The following USP43 variants were observed in gnomAD, a reference collection of about 807,000 sequenced individuals.
The protein encoded by USP43 is ubiquitin carboxyl-terminal hydrolase 43.
USP43 carries 33 observed loss-of-function variants against 90.7 expected under a neutral mutation model. The ratio of observed to expected loss-of-function variants is 0.36; its 90% CI spans 0.28 to 0.49. The LOEUF is 0.49. USP43 is among the 20% of genes least tolerant of loss of function. The pLI is 0.98. For missense variants in USP43, 1,274 were observed against 1,476.4 expected (o/e 0.86, Z 2.25); for synonymous variants, 598 against 615.8 (o/e 0.97, Z 0.43).
intron 8 of USP43, among the ~76,000 whole-genome samples, chr17:9,691,575 C>A (rs545445978): frequency 6.6e-6 from 1 of 152,094 alleles, no homozygotes; most frequent in Non-Finnish European, 1.5e-5. Context: ...CCCCTCCTTG[C>A]GACTCTTAGA....
chr17:9,675,071 C>G (rs1294372512), intron 4 of USP43, 88 bp downstream of exon 4: 2 of 1,102,698 alleles, frequency 1.8e-6, no homozygotes, highest in East Asian at 4.7e-5. Context: ...CTGCCATTTT[C>G]TCTCCTTTGC....
At chr17:9,680,421 G>A in intron 6 of USP43, 55 bp downstream of exon 6, 1 of 1,600,152 alleles carries the variant, frequency 6.2e-7, no homozygotes, top group East Asian at 2.2e-5. Context: ...ACAGGTTTCA[G>A]AGGATACTCC....
At chr17:9,718,047 C>G (rs368083004) in intron 14 of USP43, among the ~76,000 whole-genome samples, 1 of 152,020 alleles carries the variant, frequency 6.6e-6, no homozygotes, top group Non-Finnish European at 1.5e-5. Context: ...CTGCCCACCT[C>G]GGCCTCCCAA....
At chr17:9,694,101 C>A (rs893682206) in intron 9 of USP43, among the ~76,000 whole-genome samples, 12 of 152,212 alleles carry the variant, frequency 7.9e-5, no homozygotes, top group Non-Finnish European at 2.9e-5. Flanking sequence ...CAGTTCTACT[C>A]TATAAACGAA....
chr17:9,708,385 C>T (rs1321718123), intron 12 of USP43, among the ~76,000 whole-genome samples: 1 of 152,114 alleles, frequency 6.6e-6, no homozygotes, highest in Non-Finnish European at 1.5e-5. Flanking sequence ...GCTGGAATTC[C>T]AGTTAGGAGG....
Position 9,728,730 on chromosome 17 carries a change from G to T in USP43, c.3112G>T (p.Ala1038Ser). 2 of 1,600,956 alleles carry T rather than the reference G, an allele frequency of 1.2e-6. No homozygotes were observed. The highest frequency in any genetic ancestry group is 1.7e-6 in the Non-Finnish European group (2 of 1,174,218). ...GCTGAGCCCTGCCATGGACGGGCAG[G>T]CTCCAGGCTCACCTCCTGCCCTCAG... is the stretch of plus-strand genomic sequence containing the variant. ...GGLSPAMDGQ[A>S]PGSPPALRIP... The change falls in exon 15 of 15, where the codon GCT becomes TCT. Residue 1038 changes from alanine to serine, a missense_variant. By Grantham distance (99) the Ala-to-Ser change is moderately conservative (BLOSUM62 1). This residue lies in a region of USP43 where 353 missense variants were observed against 329.7 expected (regional missense o/e 1.07). Coordinates refer to ENST00000285199, the MANE Select transcript of USP43 (RefSeq NM_153210.5). The surrounding 1 kb of genome is among the most constrained non-coding windows in gnomAD (Gnocchi z 6.2).
At chr17:9,671,436 G>A (rs1480261621) in intron 3 of USP43, among the ~76,000 whole-genome samples, 2 of 152,154 alleles carry the variant, frequency 1.3e-5, no homozygotes, top group Admixed American at 1.3e-4. Flanking sequence ...TTGCATAGAC[G>A]TCAGATCCAC....
At chr17:9,676,004 A>G (rs992420380) in intron 4 of USP43, among the ~76,000 whole-genome samples, 2 of 152,162 alleles carry the variant, frequency 1.3e-5, no homozygotes, top group Non-Finnish European at 1.5e-5. Flanking sequence ...AGATCAAGAG[A>G]AACAGTAGCT....
chr17:9,725,467 A>G, intron 14 of USP43, among the ~76,000 whole-genome samples: 1 of 152,042 alleles, frequency 6.6e-6, no homozygotes, highest in East Asian at 1.9e-4. Context: ...ACGGGAAGTG[A>G]CTTTGTAGAG....
intron 2 of USP43, among the ~76,000 whole-genome samples, chr17:9,664,361 C>T (rs1316941385): frequency 4.6e-5 from 7 of 152,158 alleles, no homozygotes; most frequent in Admixed American, 1.3e-4. Flanking sequence ...TTACCCAAGA[C>T]GCTTCACATA....
intron 12 of USP43, among the ~76,000 whole-genome samples, chr17:9,706,570 T>G (rs75400674): frequency 0.016 from 2,480 of 151,436 alleles, 76 homozygotes; most frequent in African/African-American, 0.057. Context: ...TGTCCCGAGA[T>G]CACTACTGAT....
At chr17:9,704,832 G>T (rs1195043453) in intron 12 of USP43, among the ~76,000 whole-genome samples, 1 of 147,406 alleles carries the variant, frequency 6.8e-6, no homozygotes, top group Non-Finnish European at 1.5e-5. Context: ...CACTCCATCT[G>T]CTTGCTGGGC....
chr17:9,662,255 A>G (rs1162718414), intron 2 of USP43, among the ~76,000 whole-genome samples: 3 of 152,122 alleles, frequency 2.0e-5, no homozygotes, highest in Non-Finnish European at 2.9e-5. Flanking sequence ...AGGGGTTGCT[A>G]CTACCAAAGG....
chr17:9,686,962 C>T lies in USP43; in HGVS notation c.1353+53C>T, dbSNP rs1165260451. On this transcript the variant is annotated intron_variant, in intron 8 of 14. Transcript: ENST00000285199. The surrounding 1 kb of genome is among the most constrained non-coding windows in gnomAD (Gnocchi z 5.5). ...GTGTGCGTGCATGCGCATGTGCATG[C>T]GTGTGTGTGGGTGTGTGTATTGGGA... The T allele has an allele frequency of 1.8e-5, 28 of 1,523,656 alleles. No individual in the cohort carries two copies. Among genetic ancestry groups the T allele is most frequent in the Admixed American group, 3.4e-5 (2 of 58,118 alleles). 94.4% of individuals were successfully genotyped at this position (1,523,656 alleles called of 1,614,324 possible).
chr17:9,703,293 T>G (rs925434084), intron 12 of USP43, among the ~76,000 whole-genome samples: 6 of 152,150 alleles, frequency 3.9e-5, no homozygotes, highest in African/African-American at 1.4e-4. Flanking sequence ...CTGAACGTGC[T>G]GCCTCCCCAT....
At chr17:9,692,657 C>A (rs1915025647) in intron 8 of USP43, among the ~76,000 whole-genome samples, 1 of 152,188 alleles carries the variant, frequency 6.6e-6, no homozygotes, top group African/African-American at 2.4e-5. Context: ...AACTAAGGTG[C>A]TATCTCTTTA....
At position 9,701,521 on chromosome 17, in the gene USP43, C is replaced by T; in HGVS notation, c.1832C>T (p.Ser611Phe). Residue 611 changes from serine to phenylalanine, a missense_variant, in exon 12 of 15, where the codon TCT becomes TTT. By Grantham distance (155) the Ser-to-Phe change is radical. Transcript: ENST00000285199. The surrounding 1 kb of genome is among the most constrained non-coding windows in gnomAD (Gnocchi z 7.2). ...TCCACGCTGGTGAAGTTTCCGCTCT[C>T]TGGACTCAACATGGCTCCCCATGTG... ...KLSTLVKFPL[S>F]GLNMAPHVAQ... is the part of the protein sequence containing the mutation. 2 of 1,566,484 alleles carry T rather than the reference C, an allele frequency of 1.3e-6. No individual in the cohort carries two copies. The highest frequency in any genetic ancestry group is 1.7e-6 in the Non-Finnish European group (2 of 1,155,784).
intron 14 of USP43, among the ~76,000 whole-genome samples, chr17:9,726,759 G>A (rs1917294455): frequency 1.3e-5 from 2 of 152,192 alleles, no homozygotes; most frequent in Admixed American, 1.3e-4. Context: ...AAGTGGCACA[G>A]TGAGAGTGGC....
Position 9,728,857 on chromosome 17 carries a change from C to T in USP43, c.3239C>T (p.Pro1080Leu), listed in dbSNP as rs371125659. The T allele has an allele frequency of 9.3e-6, 15 of 1,613,754 alleles. No homozygotes were observed. Among genetic ancestry groups the T allele is most frequent in the African/African-American group, 2.7e-5 (2 of 74,900 alleles). ...LRLPRKASRAPRGSALGMSQR... is the reference protein window; with the variant it reads ...LRLPRKASRALRGSALGMSQR... ...CTCCCTCGTAAAGCCAGCAGGGCCC[C>T]GAGAGGCAGTGCACTGGGCATGTCA... The change falls in exon 15 of 15, where the codon CCG (proline) becomes CTG (leucine). Residue 1080 changes from proline to leucine, a missense_variant. Pro to Leu is a moderately conservative substitution (Grantham distance 98, BLOSUM62 -3). Around this residue, in one of 6 missense-constraint regions of USP43, gnomAD observed 353 missense variants for 329.7 expected, o/e 1.07. Transcript: ENST00000285199. This position sits in a 1 kb window ranked among gnomAD's most constrained non-coding sequence, Gnocchi z 6.2.
Sources: gnomAD v4.1 joint callset for allele counts (sites outside exome capture counted in the v4.1 genomes callset) on GRCh38, gnomAD v4.1.1 for gene constraint, gnomAD v4.1.1 regional missense constraint, Gnocchi (gnomAD v3.1) non-coding constraint, MANE v1.5 for transcripts, NCBI Gene and HGNC (gene_info 2026-07-23, HGNC 2026-07-21) for gene names.